GRIP1: variants seen among roughly 807,000 people sequenced by gnomAD.
GRIP1 encodes the protein glutamate receptor interacting protein 1.
A neutral mutation model predicts 129.9 loss-of-function variants in GRIP1; 45 were observed. The observed-to-expected ratio is 0.35, with a 90% CI of 0.27 to 0.44. The LOEUF is 0.44. GRIP1 is among the 20% of genes least tolerant of loss of function. The probability of loss-of-function intolerance (pLI) is 1.00; values close to 1 mark genes in which losing one functional copy is unlikely to be tolerated. For missense variants in GRIP1, 1,196 were observed against 1,396.8 expected (o/e 0.86, Z 2.29); for synonymous variants, 530 against 520.8 (o/e 1.02, Z -0.24).
chr12:66,731,015 T>C (rs1022097304), intron 1 of GRIP1, among the ~76,000 whole-genome samples: 2 of 152,106 alleles, frequency 1.3e-5, no homozygotes, highest in African/African-American at 4.8e-5. Context: ...GTTGGTTAAA[T>C]AACAAAGGGA....
intron 1 of GRIP1, among the ~76,000 whole-genome samples, chr12:66,646,525 G>A (rs976079350): frequency 2.0e-5 from 3 of 152,226 alleles, no homozygotes; most frequent in African/African-American, 7.2e-5. Context: ...TTGGGAGGCT[G>A]AAGCAGGAGA....
At chr12:66,981,288 T>C (rs973446494) in intron 1 of GRIP1, among the ~76,000 whole-genome samples, 2 of 107,260 alleles carry the variant, frequency 1.9e-5, no homozygotes, top group African/African-American at 8.1e-5. Flanking sequence ...AGAACTACCT[T>C]CTTATAATTA....
chr12:66,894,601 C>T (rs2040715253), intron 1 of GRIP1, among the ~76,000 whole-genome samples: 1 of 152,194 alleles, frequency 6.6e-6, no homozygotes, highest in South Asian at 2.1e-4. Context: ...GGCCCTGACA[C>T]ATTTCCCTGA....
chr12:66,473,801 C>T (rs116355016), intron 7 of GRIP1, among the ~76,000 whole-genome samples: 2,283 of 152,180 alleles, frequency 0.015, 65 homozygotes, highest in African/African-American at 0.052. Flanking sequence ...AATGAAAGGA[C>T]GTCCACAAAG....
At chr12:66,807,120 C>T (rs1288400539), upstream of GRIP1, among the ~76,000 whole-genome samples, 2 of 151,990 alleles carry the variant, frequency 1.3e-5, no homozygotes, top group East Asian at 1.9e-4. Context: ...GACTAGACAC[C>T]GGGTGCTCTG....
At chr12:67,060,952 T>C (rs750185671) in intron 1 of GRIP1, among the ~76,000 whole-genome samples, 24 of 152,250 alleles carry the variant, frequency 1.6e-4, no homozygotes, top group Non-Finnish European at 3.2e-4. Context: ...GTCAGAAGCC[T>C]GGACTGAAAG....
chr12:66,636,732 T>TGTGTGTGTGTGA (rs1803927839), intron 1 of GRIP1, among the ~76,000 whole-genome samples: 2 of 144,036 alleles, frequency 1.4e-5, no homozygotes, highest in Non-Finnish European at 3.1e-5. Flanking sequence ...TGTGTGTGTG[T>TGTGTGTGTGTGA]GTGTGTGTGT....
intron 1 of GRIP1, among the ~76,000 whole-genome samples, chr12:66,645,851 G>C (rs554966076): frequency 9.2e-5 from 14 of 152,246 alleles, no homozygotes; most frequent in African/African-American, 3.1e-4. Context: ...TCTGATCCAG[G>C]TTAACCTTTG....
chr12:66,835,204 A>T (rs1469668220), intron 1 of GRIP1, among the ~76,000 whole-genome samples: 5 of 152,202 alleles, frequency 3.3e-5, no homozygotes, highest in Non-Finnish European at 5.9e-5. Flanking sequence ...GATACAGAGC[A>T]ACAGGAACTG....
intron 1 of GRIP1, among the ~76,000 whole-genome samples, chr12:67,028,799 T>C (rs1022185811): frequency 1.3e-5 from 2 of 152,180 alleles, no homozygotes; most frequent in East Asian, 1.9e-4. Context: ...CATTTTACCA[T>C]ACCAGCACTT....
At chr12:67,063,186 C>T (rs1162575865) in intron 1 of GRIP1, among the ~76,000 whole-genome samples, 2 of 152,156 alleles carry the variant, frequency 1.3e-5, no homozygotes, top group African/African-American at 2.4e-5. Flanking sequence ...AAACCCAATG[C>T]CATCTGGACC....
intron 1 of GRIP1, among the ~76,000 whole-genome samples, chr12:66,781,365 T>C (rs1424010498): frequency 6.6e-6 from 1 of 152,210 alleles, no homozygotes; most frequent in East Asian, 1.9e-4. Flanking sequence ...TTTAGGTATC[T>C]TTCTTTCTGT....
At chr12:66,438,822 C>G (rs7298638) in intron 13 of GRIP1, among the ~76,000 whole-genome samples, 140,815 of 152,166 alleles carry the variant, frequency 0.93, 65,854 homozygotes, top group Non-Finnish European at 1. Context: ...GACCAAATGA[C>G]AGCTTCTTGT....
chr12:66,679,870 G>A (rs929977209), upstream of GRIP1, among the ~76,000 whole-genome samples: 1 of 152,156 alleles, frequency 6.6e-6, no homozygotes, highest in African/African-American at 2.4e-5. Flanking sequence ...AGATATTTGT[G>A]AGTATCTGCT....
chr12:66,635,294 T>C (rs944361058), intron 1 of GRIP1, among the ~76,000 whole-genome samples: 5 of 151,762 alleles, frequency 3.3e-5, no homozygotes, highest in Non-Finnish European at 5.9e-5. Flanking sequence ...CGATGCAGGC[T>C]TGTGGTCCTA....
At chr12:66,365,654 G>A (rs552839136) in intron 23 of GRIP1, among the ~76,000 whole-genome samples, 1 of 152,308 alleles carries the variant, frequency 6.6e-6, no homozygotes, top group Non-Finnish European at 1.5e-5. Context: ...TCTACAGGGA[G>A]AGAATTTGCT....
At chr12:66,600,521 A>G (rs2064231588) in intron 1 of GRIP1, among the ~76,000 whole-genome samples, 1 of 152,208 alleles carries the variant, frequency 6.6e-6, no homozygotes, top group African/African-American at 2.4e-5. Context: ...AAAGTGAAAC[A>G]TTTGTTATAA....
At chr12:66,731,107 C>T (rs371572683) in intron 1 of GRIP1, among the ~76,000 whole-genome samples, 3 of 152,114 alleles carry the variant, frequency 2.0e-5, no homozygotes, top group East Asian at 1.9e-4. Flanking sequence ...TTAGAGAGAT[C>T]TCATTAGATA....
intron 2 of GRIP1, among the ~76,000 whole-genome samples, chr12:66,580,251 A>G (rs2063321689): frequency 6.6e-6 from 1 of 151,054 alleles, no homozygotes; most frequent in South Asian, 2.1e-4. Context: ...AGAGCTCCTG[A>G]AGGAAGCACT....
Sources: allele counts gnomAD v4.1 joint callset (sites outside exome capture counted in the v4.1 genomes callset), GRCh38; gene constraint gnomAD v4.1.1; transcripts MANE v1.5; gene names NCBI Gene and HGNC (gene_info 2026-07-23, HGNC 2026-07-21).